DNER: variants seen among roughly 807,000 people sequenced by gnomAD.
DNER encodes delta and Notch-like epidermal growth factor-related receptor.
Under a neutral mutation model 78.2 loss-of-function variants are expected in DNER, and 33 were observed. The observed-to-expected ratio is 0.42, with a 90% CI of 0.32 to 0.56. The LOEUF (loss-of-function observed/expected upper bound fraction) is 0.56. DNER is among the 20% of genes least tolerant of loss of function. The pLI is 0.11. For missense variants in DNER, 918 were observed against 975.3 expected (o/e 0.94, Z 0.78); for synonymous variants, 417 against 384.8 (o/e 1.08, Z -0.98).
intron 4 of DNER, among the ~76,000 whole-genome samples, chr2:229,582,530 T>G (rs911250493): frequency 1.3e-5 from 2 of 148,430 alleles, no homozygotes; most frequent in Non-Finnish European, 3.0e-5. Flanking sequence ...ATTTTCAAAA[T>G]GAAAAAAAAA....
intron 8 of DNER, among the ~76,000 whole-genome samples, chr2:229,431,182 C>T (rs1188746406): frequency 6.6e-6 from 1 of 152,076 alleles, no homozygotes; most frequent in Non-Finnish European, 1.5e-5. Flanking sequence ...AACCAAACGA[C>T]CACTATCTGG....
At chr2:229,583,378 A>C (rs1234600238) in intron 4 of DNER, among the ~76,000 whole-genome samples, 1 of 152,222 alleles carries the variant, frequency 6.6e-6, no homozygotes, top group African/African-American at 2.4e-5. Flanking sequence ...TATCTAACAC[A>C]AAGCCTGTTT....
At chr2:229,644,497 C>T (rs1198060116) in intron 1 of DNER, among the ~76,000 whole-genome samples, 1 of 152,062 alleles carries the variant, frequency 6.6e-6, no homozygotes, top group African/African-American at 2.4e-5. Flanking sequence ...AAGGCACCTA[C>T]CACCACGCCA....
chr2:229,695,811 T>C (rs1262010873), intron 1 of DNER, among the ~76,000 whole-genome samples: 1 of 152,008 alleles, frequency 6.6e-6, no homozygotes, highest in African/African-American at 2.4e-5. Flanking sequence ...GAACGGAGGA[T>C]GAATAGTAAG....
chr2:229,526,086 G>T (rs930583148), intron 5 of DNER, among the ~76,000 whole-genome samples: 4 of 152,234 alleles, frequency 2.6e-5, no homozygotes, highest in African/African-American at 9.6e-5. Flanking sequence ...TTTAATAGGG[G>T]TCTCTGGAAG....
In DNER at chr2:229,661,165, A is replaced by C. The variant is rs114239527; in HGVS notation, c.276+52983T>G. 4.2e-3 allele frequency among the ~76,000 whole-genome samples: 634 copies of C among 152,322 alleles called. 4 individuals carry two copies. Among genetic ancestry groups the C allele is most frequent in the African/African-American group, 0.015 (614 of 41,584 alleles). On this transcript the variant is annotated intron_variant, in intron 1 of 12. Coordinates refer to ENST00000341772, the MANE Select transcript of DNER (RefSeq NM_139072.4). ...CCTCATGCAATAAATATTTGAAAAA[A>C]TGGCACTAAGTGTCTTTGCCAAAGA...
intron 1 of DNER, among the ~76,000 whole-genome samples, chr2:229,638,976 C>G (rs531581831): frequency 3.9e-5 from 6 of 152,174 alleles, no homozygotes; most frequent in African/African-American, 1.4e-4. Flanking sequence ...ATGTCTATGA[C>G]CACCTGGACT....
intron 11 of DNER, among the ~76,000 whole-genome samples, chr2:229,387,563 GAAAGA>G (rs1553602557): frequency 2.2e-4 from 32 of 143,876 alleles, no homozygotes; most frequent in African/African-American, 8.0e-4. Flanking sequence ...AAGAAAGAAA[GAAAGA>G]AAAGAAAGAA....
chr2:229,606,021 C>T (rs1029040697), intron 1 of DNER, among the ~76,000 whole-genome samples: 1 of 152,018 alleles, frequency 6.6e-6, no homozygotes, highest in African/African-American at 2.4e-5. Context: ...GGCCCTTCTC[C>T]GGTGGAAAAA....
At chr2:229,387,559 G>GAAAGAAAT (rs1559337960) in intron 11 of DNER, among the ~76,000 whole-genome samples, 10 of 142,756 alleles carry the variant, frequency 7.0e-5, no homozygotes, top group Non-Finnish European at 1.6e-5. Flanking sequence ...AAGAAAGAAA[G>GAAAGAAAT]AAAGAAAGAA....
At chr2:229,363,496 G>A (rs1050620660) in intron 12 of DNER, among the ~76,000 whole-genome samples, 7 of 152,246 alleles carry the variant, frequency 4.6e-5, no homozygotes, top group East Asian at 1.9e-4. Flanking sequence ...CAGCCATGCT[G>A]TAGAAACCCC....
intron 1 of DNER, among the ~76,000 whole-genome samples, chr2:229,636,232 G>A (rs555813911): frequency 2.0e-5 from 3 of 152,210 alleles, no homozygotes; most frequent in Non-Finnish European, 4.4e-5. Flanking sequence ...CCAATGCACA[G>A]TTCTCCTCAC....
chr2:229,468,362 C>A (rs984647138), intron 7 of DNER, among the ~76,000 whole-genome samples: 3 of 152,194 alleles, frequency 2.0e-5, no homozygotes, highest in Non-Finnish European at 4.4e-5. Context: ...AGAGTCTGAA[C>A]CTCCCCAAGT....
chr2:229,700,044 G>A (rs985018497), intron 1 of DNER, among the ~76,000 whole-genome samples: 2 of 150,298 alleles, frequency 1.3e-5, no homozygotes, highest in Non-Finnish European at 3.0e-5. Flanking sequence ...AAGAAAATTA[G>A]ACAAAAATAG....
intron 11 of DNER, among the ~76,000 whole-genome samples, chr2:229,369,759 T>C (rs1458324139): frequency 6.6e-6 from 1 of 152,196 alleles, no homozygotes; most frequent in Non-Finnish European, 1.5e-5. Flanking sequence ...TTCCTGTTTA[T>C]AGATCTGCAC....
intron 6 of DNER, among the ~76,000 whole-genome samples, chr2:229,492,962 C>T (rs992459459): frequency 2.0e-5 from 3 of 152,214 alleles, no homozygotes; most frequent in Non-Finnish European, 4.4e-5. Context: ...TGAGCCACCA[C>T]ACCCAGCCTA....
chr2:229,507,560 T>C (rs1266017645), intron 6 of DNER, among the ~76,000 whole-genome samples: 1 of 152,226 alleles, frequency 6.6e-6, no homozygotes, highest in Non-Finnish European at 1.5e-5. Context: ...GAGAAGATAA[T>C]AGGCACAATT....
intron 8 of DNER, among the ~76,000 whole-genome samples, chr2:229,444,100 G>A (rs989084368): frequency 3.3e-5 from 5 of 152,048 alleles, no homozygotes; most frequent in South Asian, 2.1e-4. Context: ...GCTATTAAGG[G>A]GCTACTGCTG....
At chr2:229,399,692 A>G (rs373274199) in intron 10 of DNER, among the ~76,000 whole-genome samples, 61 of 152,204 alleles carry the variant, frequency 4.0e-4, no homozygotes, top group African/African-American at 1.4e-3. Context: ...CACATAATCA[A>G]TGAAAAAGAA....
Sources: gnomAD v4.1 joint callset for allele counts (sites outside exome capture counted in the v4.1 genomes callset) on GRCh38, gnomAD v4.1.1 for gene constraint, MANE v1.5 for transcripts, NCBI Gene and HGNC (gene_info 2026-07-23, HGNC 2026-07-21) for gene names.